CELF2: variants seen among roughly 807,000 people sequenced by gnomAD.
CELF2 encodes CUGBP Elav-like family member 2, also known as CUG triplet repeat RNA-binding protein 2.
CELF2 carries 8 observed loss-of-function variants against 62.6 expected under a neutral mutation model. The observed-to-expected ratio is 0.13, with a 90% CI of 0.07 to 0.23. The LOEUF (loss-of-function observed/expected upper bound fraction) is 0.23. CELF2 is among the 10% of genes least tolerant of loss of function. The probability of loss-of-function intolerance (pLI) is 1.00; values close to 1 mark genes in which losing one functional copy is unlikely to be tolerated. For synonymous variants in CELF2, 258 were observed against 250.0 expected, an observed-to-expected ratio of 1.03 and a Z score of -0.30; for missense variants, 333 against 671.0, an observed-to-expected ratio of 0.50 and a Z score of 5.56.
At chr10:11,073,565 A>G (rs542029101) in intron 1 of CELF2, among the ~76,000 whole-genome samples, 300 of 152,342 alleles carry the variant, frequency 2.0e-3, no homozygotes, top group African/African-American at 6.6e-3. Flanking sequence ...GGCACCTACT[A>G]TATGTCAGGC....
At chr10:10,920,894 T>C (rs752782120) in intron 2 of CELF2, among the ~76,000 whole-genome samples, 21 of 152,104 alleles carry the variant, frequency 1.4e-4, no homozygotes, top group Non-Finnish European at 2.4e-4. Context: ...TTGCTGGGCA[T>C]TGAATGTATC....
At chr10:11,249,313 G>A in intron 4 of CELF2, 112 bp downstream of exon 4, 2 of 819,856 alleles carry the variant, frequency 2.4e-6, no homozygotes, top group East Asian at 2.5e-5. Context: ...AGAGGACAGA[G>A]AGCGCTGCTC....
upstream of CELF2, among the ~76,000 whole-genome samples, chr10:10,794,162 C>T (rs760633840): frequency 1.3e-5 from 2 of 152,158 alleles, no homozygotes; most frequent in Non-Finnish European, 2.9e-5. Context: ...GGTCCTATTT[C>T]CAGGGTCCAG....
intron 1 of CELF2, among the ~76,000 whole-genome samples, chr10:11,040,310 C>A (rs1032334318): frequency 6.6e-6 from 1 of 152,158 alleles, no homozygotes; most frequent in Admixed American, 6.5e-5. Context: ...AAAATAGGGT[C>A]TCTGTTTCGA....
chr10:10,467,702 C>T, the CELF2 span, among the ~76,000 whole-genome samples: 1 of 151,944 alleles, frequency 6.6e-6, no homozygotes, highest in Non-Finnish European at 1.5e-5. Flanking sequence ...CATCCATAAA[C>T]AATTTTTCTG....
chr10:10,593,977 C>T, the CELF2 span, among the ~76,000 whole-genome samples: 6 of 152,272 alleles, frequency 3.9e-5, no homozygotes, highest in East Asian at 7.7e-4. Flanking sequence ...TTGTGATGAG[C>T]ACCCATGATG....
chr10:10,852,373 A>C (rs2059436297), intron 1 of CELF2, among the ~76,000 whole-genome samples: 1 of 152,268 alleles, frequency 6.6e-6, no homozygotes. Context: ...CTTCATTCAC[A>C]GAAAATTGTT....
intron 1 of CELF2, among the ~76,000 whole-genome samples, chr10:10,915,010 T>C (rs1470144088): frequency 6.6e-6 from 1 of 151,726 alleles, no homozygotes; most frequent in African/African-American, 2.4e-5. Flanking sequence ...CATGTGCCTG[T>C]AATCCCAGCT....
chr10:10,720,214 C>G, the CELF2 span, among the ~76,000 whole-genome samples: 91,665 of 152,106 alleles, frequency 0.6, 30,186 homozygotes, highest in Non-Finnish European at 0.75. Context: ...ATCTACTTAT[C>G]TCATAGGCTC....
At chr10:11,188,796 T>G (rs529762905) in intron 2 of CELF2, among the ~76,000 whole-genome samples, 1 of 152,346 alleles carries the variant, frequency 6.6e-6, no homozygotes, top group Non-Finnish European at 1.5e-5. Flanking sequence ...TGAAGTTGCC[T>G]TACAGCTCAC....
At chr10:11,251,121 G>C (rs1282817850) in intron 4 of CELF2, among the ~76,000 whole-genome samples, 1 of 152,062 alleles carries the variant, frequency 6.6e-6, no homozygotes, top group Non-Finnish European at 1.5e-5. Flanking sequence ...ACTGTATTTA[G>C]AGTATTCAGG....
At position 11,286,180 on chromosome 10, in the gene CELF2, A is replaced by G. The variant is rs540158735; in HGVS notation, c.842-2238A>G. 2.0e-5 allele frequency among the ~76,000 whole-genome samples: 3 copies of G among 152,308 alleles called. No individual in the cohort carries two copies. The South Asian group carries it at 6.2e-4, about 32-fold the overall frequency. Reference sequence around the variant, plus strand: ...CCAGGGACCTCATGTCTCTGACCCAAGTGGGCCAGCTGAGCCAGGCCATCA... The same window carrying G: ...CCAGGGACCTCATGTCTCTGACCCAGGTGGGCCAGCTGAGCCAGGCCATCA... On this transcript the variant is annotated intron_variant, in intron 8 of 12. Coordinates refer to ENST00000633077, the MANE Select transcript of CELF2 (RefSeq NM_001326342.2).
intron 3 of CELF2, among the ~76,000 whole-genome samples, chr10:11,232,738 G>A (rs1304482481): frequency 6.6e-6 from 1 of 152,108 alleles, no homozygotes. Context: ...CACATTCATG[G>A]ATAGGAGATG....
the CELF2 span, among the ~76,000 whole-genome samples, chr10:10,538,875 C>A: frequency 1.6e-4 from 25 of 152,312 alleles, no homozygotes; most frequent in African/African-American, 4.6e-4. Flanking sequence ...TTTTCGTTAG[C>A]ATTTTTTCTT....
In CELF2 at chr10:11,319,702, C is replaced by T. The variant is rs540025843; in HGVS notation, c.1097-1487C>T. The T allele has an allele frequency of 1.2e-4, 55 of 454,990 alleles. No individual in the cohort carries two copies. The highest frequency in any genetic ancestry group is 2.3e-4 in the Non-Finnish European group (50 of 217,974). 28.2% of individuals were successfully genotyped at this position (454,990 alleles called of 1,614,324 possible). On this transcript the variant is annotated intron_variant, in intron 10 of 12. Coordinates refer to ENST00000633077, the MANE Select transcript of CELF2 (RefSeq NM_001326342.2). This position sits in a 1 kb window ranked among gnomAD's most constrained non-coding sequence, Gnocchi z 4.4. The stretch of plus-strand genomic sequence containing the variant: ...ATTCACACTCGTCTCGCCACCCCTG[C>T]TTGGTGTCTGTTCTGAGAAGCACAG...
the CELF2 span, among the ~76,000 whole-genome samples, chr10:10,647,009 C>T: frequency 6.6e-6 from 1 of 152,174 alleles, no homozygotes; most frequent in African/African-American, 2.4e-5. Context: ...GGATACATTG[C>T]ATTTCCTGCC....
intron 2 of CELF2, among the ~76,000 whole-genome samples, chr10:10,951,080 A>G (rs2048263682): frequency 6.6e-6 from 1 of 152,250 alleles, no homozygotes; most frequent in Admixed American, 6.5e-5. Flanking sequence ...TGGCGTCTAC[A>G]AAAACCAGTT....
chr10:10,773,084 G>C, the CELF2 span, among the ~76,000 whole-genome samples: 1 of 152,210 alleles, frequency 6.6e-6, no homozygotes, highest in African/African-American at 2.4e-5. Context: ...CATTTCTGCA[G>C]TGAACAGCAT....
chr10:10,596,188 G>A, the CELF2 span, among the ~76,000 whole-genome samples: 1 of 151,676 alleles, frequency 6.6e-6, no homozygotes, highest in Non-Finnish European at 1.5e-5. Context: ...GTACTGAGAT[G>A]AAGAGGGTTG....
Sources: allele counts gnomAD v4.1 joint callset (sites outside exome capture counted in the v4.1 genomes callset), GRCh38; gene constraint gnomAD v4.1.1; non-coding constraint Gnocchi (gnomAD v3.1); transcripts MANE v1.5; gene names NCBI Gene and HGNC (gene_info 2026-07-23, HGNC 2026-07-21).